Variants in CEP290 observed in about 807,000 individuals in gnomAD.
CEP290 encodes the protein centrosomal protein of 290 kDa.
Under a neutral mutation model 344.9 loss-of-function variants are expected in CEP290, and 317 were observed. The observed-to-expected ratio is 0.92, with a 90% CI of 0.84 to 1.01. CEP290 has a LOEUF of 1.01. Ranked by LOEUF, CEP290 falls within the 50% of genes least tolerant of loss-of-function variation. CEP290 has a pLI of 0.00. For missense variants in CEP290, 2,754 were observed against 2,761.4 expected, an observed-to-expected ratio of 1.00 and a Z score of 0.06; for synonymous variants, 932 against 895.8, an observed-to-expected ratio of 1.04 and a Z score of -0.72.
intron 44 of CEP290, among the ~76,000 whole-genome samples, chr12:88,065,846 G>A (rs888812677): frequency 5.3e-5 from 8 of 152,040 alleles, no homozygotes; most frequent in South Asian, 2.1e-4. Context: ...AAAGGTATTC[G>A]TTGAGATAGT....
Position 88,083,920 on chromosome 12 carries a change from T to A in CEP290, c.4739A>T (p.Asp1580Val). Residue 1580 changes from aspartate (D) to valine (V), a missense_variant, in exon 36 of 54, where the codon GAC (aspartate) becomes GTC (valine). Asp to Val is a radical substitution (Grantham distance 152). Transcript: ENST00000552810. ...QREIVKKHEE[D>V]LHILHHRLEL... The stretch of plus-strand genomic sequence containing the variant: ...TAATCTGTGATGAAGAATATGAAGG[T>A]CTTCCTCATGTTTCTTCACAATTTC... 6.3e-7 allele frequency: 1 copy of A among 1,597,192 alleles called. No homozygotes were observed. The highest frequency in any genetic ancestry group is 8.5e-7 in the Non-Finnish European group (1 of 1,170,906).
At chr12:88,056,836 GTA>G (rs1028396221) in intron 49 of CEP290, among the ~76,000 whole-genome samples, 103 of 152,242 alleles carry the variant, frequency 6.8e-4, no homozygotes, top group African/African-American at 2.3e-3. Context: ...ATTGAGAAGG[GTA>G]TATAATCCTC....
At chr12:88,056,723 G>A (rs1229432241) in intron 49 of CEP290, among the ~76,000 whole-genome samples, 6 of 152,058 alleles carry the variant, frequency 3.9e-5, no homozygotes, top group South Asian at 2.1e-4. Flanking sequence ...CATAGAATAC[G>A]TGTTACTAAG....
At position 88,111,832 on chromosome 12, in the gene CEP290, T is replaced by A; in HGVS notation, c.2079A>T (p.Gly693=). The A allele has an allele frequency of 1.3e-6, 2 of 1,599,310 alleles. No homozygotes were observed. Among genetic ancestry groups the A allele is most frequent in the Non-Finnish European group, 8.5e-7 (1 of 1,173,436 alleles). ...TCAAATGCAGACTCGCATCAAAGATTCCTTCTGCATTCTTTGATTCTATAG... is the reference window on the plus strand; with the variant it reads ...TCAAATGCAGACTCGCATCAAAGATACCTTCTGCATTCTTTGATTCTATAG... ...VNAIESKNAE[G]IFDASLHLKA... The change falls in exon 21 of 54, where the codon GGA becomes GGT. Residue 693 remains glycine (G), a synonymous_variant. Coordinates refer to ENST00000552810, the MANE Select transcript of CEP290 (RefSeq NM_025114.4).
chr12:88,134,654 C>A (rs751776002), intron 6 of CEP290, among the ~76,000 whole-genome samples: 1 of 152,178 alleles, frequency 6.6e-6, no homozygotes, highest in East Asian at 1.9e-4. Context: ...GGCAATTACT[C>A]TTTCTGTGTC....
chr12:88,086,193 T>A lies in CEP290; in HGVS notation c.4303-20A>T. ...TTCAAACTATTAAGAAATAGTATGT[T>A]TTTTAAAAAAGCAGTTGCAGCATTG... On this transcript the variant is annotated intron_variant, in intron 33 of 53. Transcript: ENST00000552810. The A allele has an allele frequency of 6.3e-7, 1 of 1,599,718 alleles. No individual in the cohort carries two copies.
intron 49 of CEP290, among the ~76,000 whole-genome samples, chr12:88,056,807 G>A (rs1276997431): frequency 1.3e-5 from 2 of 152,150 alleles, no homozygotes; most frequent in African/African-American, 4.8e-5. Context: ...TCCCAAAAGA[G>A]ATCTCTCTAA....
In CEP290 at chr12:88,136,755, G is replaced by A. The variant is rs764867143; in HGVS notation, c.329C>T (p.Thr110Ile). The change falls in exon 6 of 54, where the codon ACT becomes ATT. Residue 110 changes from threonine to isoleucine, a missense_variant. Transcript: ENST00000552810. ...GCAAATTTCATTACGTAAAAACCGA[G>A]TATCTCGTCCACCTGCAGACTGCTG... ...MAQQSAGGRD[T>I]RFLRNEICQL... 8 of 1,613,436 alleles carry A rather than the reference G, an allele frequency of 5.0e-6. No individual in the cohort carries two copies. Among genetic ancestry groups the A allele is most frequent in the African/African-American group, 1.3e-5 (1 of 74,858 alleles).
At chr12:88,071,684 C>T in intron 42 of CEP290, 97 bp downstream of exon 42, 1 of 981,952 alleles carries the variant, frequency 1.0e-6, no homozygotes, top group Non-Finnish European at 1.5e-6. Context: ...TTAAACTAGA[C>T]CATTTCTCAT....
Position 88,129,885 on chromosome 12 carries a change from G to A in CEP290, c.670-9C>T. 1.4e-6 allele frequency: 2 copies of A among 1,388,814 alleles called. No homozygotes were observed. The highest frequency in any genetic ancestry group is 2.8e-5 in the East Asian group (1 of 35,192). 86.0% of individuals were successfully genotyped at this position (1,388,814 alleles called of 1,614,324 possible). A position where few individuals can be genotyped will look rare whatever the true frequency, so the allele number is the denominator to read the frequency against. ...TTAGCTTCTGTTAAAGTCTAAAAAA[G>A]TTAAAGACACTATAATTAAAAAGTA... On this transcript the variant is annotated splice_polypyrimidine_tract_variant and intron_variant, in intron 9 of 53. Transcript: ENST00000552810.
rs200587974 is a variant in CEP290, at chr12:88,129,875, G to A, written c.671C>T (p.Thr224Ile). 1.2e-4 allele frequency: 169 copies of A among 1,427,762 alleles called. No individual in the cohort carries two copies. The highest frequency in any genetic ancestry group is 5.3e-5 in the Non-Finnish European group (57 of 1,082,812). The allele number at this position is 1,427,762 out of a possible 1,614,324, so 88.4% of individuals were successfully genotyped here. Residue 224 changes from threonine to isoleucine, a missense_variant and splice_region_variant, in exon 10 of 54, where the codon ACT becomes ATT. Transcript: ENST00000552810. ...AATTTTCTCATTAGCTTCTGTTAAA[G>A]TCTAAAAAAGTTAAAGACACTATAA... ...ELIQYLDEIQ[T>I]LTEANEKIEV...
At position 88,093,901 on chromosome 12, in the gene CEP290, T is replaced by C. The variant is rs948383352; in HGVS notation, c.3178A>G (p.Thr1060Ala). Residue 1060 changes from threonine to alanine, a missense_variant, in exon 28 of 54, where the codon ACT becomes GCT. Coordinates refer to ENST00000552810, the MANE Select transcript of CEP290 (RefSeq NM_025114.4). Reference protein sequence around the residue: ...SDIVSISKKITMLEMKELNER... With the variant: ...SDIVSISKKIAMLEMKELNER... Reference sequence around the variant, plus strand: ...TTTAATTCCTTCATTTCCAGCATAGTTATTTTTTTTGAAATGGAAACAATG... The same window carrying C: ...TTTAATTCCTTCATTTCCAGCATAGCTATTTTTTTTGAAATGGAAACAATG... The C allele has an allele frequency of 3.3e-5, 54 of 1,612,808 alleles. No homozygotes were observed. The highest frequency in any genetic ancestry group is 4.4e-5 in the Non-Finnish European group (52 of 1,179,386).
Position 88,086,113 on chromosome 12 carries a change from T to C in CEP290, c.4363A>G (p.Ile1455Val). 2 of 1,613,308 alleles carry C rather than the reference T, an allele frequency of 1.2e-6. No individual in the cohort carries two copies. Among genetic ancestry groups the C allele is most frequent in the Middle Eastern group, 3.3e-4 (2 of 6,056 alleles). Residue 1455 changes from isoleucine (I) to valine (V), a missense_variant, in exon 34 of 54, where the codon ATC becomes GTC. Ile to Val is a conservative substitution (Grantham distance 29, BLOSUM62 3). Coordinates refer to ENST00000552810, the MANE Select transcript of CEP290 (RefSeq NM_025114.4). ...PSLPLPNQLE[I>V]ALRKIKENIR... is the part of the protein sequence containing the mutation. ...TTCTCCTTAATTTTCCTTAGAGCGATCTCAAGTTGATTTGGAAGGGGCAAA... is the reference window on the plus strand; with the variant it reads ...TTCTCCTTAATTTTCCTTAGAGCGACCTCAAGTTGATTTGGAAGGGGCAAA...
rs775294433 is a variant in CEP290 at position 88,084,712 on chromosome 12, C to T, written c.4578G>A (p.Glu1526=). The part of the protein sequence containing the change: ...EKLIAELGRK[E]MEPKSHHTLK... ...ATGTGTGGTGAGATTTTGGTTCCATCTCTTTTCTGCCTAGCTCAGCTATGA... is the reference window on the plus strand; with the variant it reads ...ATGTGTGGTGAGATTTTGGTTCCATTTCTTTTCTGCCTAGCTCAGCTATGA... The change falls in exon 35 of 54, where the codon GAG becomes GAA. Residue 1526 remains glutamate (E), a synonymous_variant. Transcript: ENST00000552810. 69 of 1,613,640 alleles carry T rather than the reference C, an allele frequency of 4.3e-5. 1 individual carries two copies. The Middle Eastern group carries it at 1.2e-3, about 27-fold the overall frequency.
intron 50 of CEP290, among the ~76,000 whole-genome samples, chr12:88,054,719 C>T (rs2033860224): frequency 6.6e-6 from 1 of 151,926 alleles, no homozygotes; most frequent in African/African-American, 2.4e-5. Flanking sequence ...AATATAGTGC[C>T]AGATGGTAGG....
intron 6 of CEP290, among the ~76,000 whole-genome samples, chr12:88,132,815 C>G (rs1265053329): frequency 2.0e-5 from 3 of 152,256 alleles, no homozygotes; most frequent in South Asian, 4.1e-4. Context: ...TGGTGGCTTG[C>G]TGCACAGATC....
chr12:88,088,189 C>T (rs2137255910), intron 31 of CEP290, among the ~76,000 whole-genome samples: 1 of 152,272 alleles, frequency 6.6e-6, no homozygotes, highest in African/African-American at 2.4e-5. Context: ...CTAATATTCA[C>T]TTTCATTTGT....
At chr12:88,097,210 T>C (rs2137429826) in intron 26 of CEP290, among the ~76,000 whole-genome samples, 1 of 152,238 alleles carries the variant, frequency 6.6e-6, no homozygotes, top group African/African-American at 2.4e-5. Context: ...CTGATATGGT[T>C]TGGCTGTGTC....
chr12:88,096,124 C>G (rs143200582), intron 27 of CEP290, among the ~76,000 whole-genome samples: 1 of 152,028 alleles, frequency 6.6e-6, no homozygotes, highest in African/African-American at 2.4e-5. Context: ...TCTTGGCTCA[C>G]TGCAACCTCT....
Sources: gnomAD v4.1 joint callset for allele counts (sites outside exome capture counted in the v4.1 genomes callset) on GRCh38, gnomAD v4.1.1 for gene constraint, MANE v1.5 for transcripts, NCBI Gene and HGNC (gene_info 2026-07-23, HGNC 2026-07-21) for gene names.